HLCS: variants seen among roughly 807,000 people sequenced by gnomAD.
HLCS encodes the protein biotin--protein ligase.
In HLCS, 53 loss-of-function variants were observed where a neutral mutation model predicts 75.0. The observed-to-expected ratio is 0.71, with a 90% CI of 0.57 to 0.89. The LOEUF is 0.89. Ranked by LOEUF, HLCS falls within the 40% of genes least tolerant of loss-of-function variation. The pLI is 0.00. For missense variants in HLCS, 966 were observed against 1,074.0 expected (o/e 0.90, Z 1.41); for synonymous variants, 431 against 428.6 (o/e 1.01, Z -0.07).
chr21:36,962,352 C>A (rs984276931), intron 1 of HLCS, among the ~76,000 whole-genome samples, 182 bp from the exon 2 acceptor site: 2 of 152,190 alleles, frequency 1.3e-5, no homozygotes, highest in Non-Finnish European at 2.9e-5. Context: ...ACTGTTTAAG[C>A]ACCTGCAAAA....
chr21:36,885,025 T>C (rs1232521454), intron 6 of HLCS, among the ~76,000 whole-genome samples: 2 of 152,062 alleles, frequency 1.3e-5, no homozygotes, highest in East Asian at 1.9e-4. Flanking sequence ...AAAGAGAAGG[T>C]TCAATGAAAA....
At chr21:36,974,318 C>G (rs2068878766) in intron 1 of HLCS, 1 of 152,386 alleles carries the variant, frequency 6.6e-6, no homozygotes, top group South Asian at 2.1e-4. Flanking sequence ...GAAGAGCCTC[C>G]AGGAACCTCC....
chr21:36,883,267 A>C (rs2064307423), intron 6 of HLCS, among the ~76,000 whole-genome samples: 1 of 152,262 alleles, frequency 6.6e-6, no homozygotes, highest in African/African-American at 2.4e-5. Context: ...TTTATTTGAA[A>C]GAAAAACAAA....
intron 6 of HLCS, among the ~76,000 whole-genome samples, chr21:36,773,137 G>C (rs898860107): frequency 2.6e-5 from 4 of 152,020 alleles, no homozygotes; most frequent in African/African-American, 9.7e-5. Context: ...TTTTATAATT[G>C]TAGTGCATTC....
intron 5 of HLCS, among the ~76,000 whole-genome samples, chr21:36,915,713 G>T (rs935593304): frequency 6.6e-6 from 1 of 151,180 alleles, no homozygotes; most frequent in African/African-American, 2.5e-5. Flanking sequence ...ACTCCATCTG[G>T]CCAGTTTCCT....
intron 2 of HLCS, among the ~76,000 whole-genome samples, chr21:36,949,431 G>A (rs1789897241): frequency 6.6e-6 from 1 of 151,750 alleles, no homozygotes; most frequent in Non-Finnish European, 1.5e-5. Context: ...GGCAGCTTGA[G>A]CTTCCTCACA....
In HLCS at chr21:36,874,741, T is replaced by C. The variant is rs538121402; in HGVS notation, c.1892+22119A>G. Among the ~76,000 whole-genome samples the C allele has an allele frequency of 1.3e-4, 20 of 152,274 alleles. No homozygotes were observed. The East Asian group carries it at 3.5e-3, about 27-fold the overall frequency. ...CCAGGGCTGCTGCACTCCATGGAGC[T>C]AACACAGGCCAGGAATGGGCGGGAG... On this transcript the variant is annotated intron_variant, in intron 6 of 10. Coordinates refer to ENST00000674895, the MANE Select transcript of HLCS (RefSeq NM_001352514.2).
intron 5 of HLCS, among the ~76,000 whole-genome samples, chr21:36,919,372 G>C (rs2066063551): frequency 6.6e-6 from 1 of 152,210 alleles, no homozygotes; most frequent in South Asian, 2.1e-4. Context: ...TAAGTCATAT[G>C]CCATGGTATT....
intron 2 of HLCS, among the ~76,000 whole-genome samples, chr21:36,961,149 A>C (rs2068268520): frequency 6.6e-6 from 1 of 152,212 alleles, no homozygotes; most frequent in South Asian, 2.1e-4. Context: ...AAGAATACAA[A>C]CACAACTCAT....
chr21:36,925,814 G>A (rs905676326), intron 5 of HLCS, among the ~76,000 whole-genome samples: 2 of 152,226 alleles, frequency 1.3e-5, no homozygotes, highest in Non-Finnish European at 2.9e-5. Context: ...CAGAAACAAG[G>A]CAGCTAGCTT....
chr21:36,965,151 T>G (rs1161807363), intron 1 of HLCS, among the ~76,000 whole-genome samples: 1 of 152,188 alleles, frequency 6.6e-6, no homozygotes, highest in African/African-American at 2.4e-5. Context: ...GTGGCACAAT[T>G]TCAACCCATA....
At chr21:36,925,734 C>T (rs912290030) in intron 5 of HLCS, among the ~76,000 whole-genome samples, 1 of 152,190 alleles carries the variant, frequency 6.6e-6, no homozygotes, top group Non-Finnish European at 1.5e-5. Context: ...CCCTGCAGAG[C>T]GTGGCAGCCT....
At chr21:36,839,032 C>CT (rs35468614) in intron 6 of HLCS, among the ~76,000 whole-genome samples, 45,365 of 152,078 alleles carry the variant, frequency 0.3, 7,094 homozygotes, top group African/African-American at 0.35. Flanking sequence ...ATATATTACT[C>CT]TAATTTTTGG....
In HLCS at chr21:36,798,437, T is replaced by C. The variant is rs193290393; in HGVS notation, c.1893-31152A>G. Among the ~76,000 whole-genome samples the C allele has an allele frequency of 1.4e-4, 21 of 152,340 alleles. No homozygotes were observed. In the East Asian group the frequency reaches 3.3e-3, roughly 24 times the overall value. On this transcript the variant is annotated intron_variant, in intron 6 of 10. Coordinates refer to ENST00000674895, the MANE Select transcript of HLCS (RefSeq NM_001352514.2). The stretch of plus-strand genomic sequence containing the variant: ...TATTTATGTTGTTTCCAGTTTGGGG[T>C]TATTCAAATAAAGCTGCTATGAATA...
chr21:36,872,218 A>C (rs933673596), intron 6 of HLCS, among the ~76,000 whole-genome samples: 2 of 151,966 alleles, frequency 1.3e-5, no homozygotes, highest in African/African-American at 2.4e-5. Flanking sequence ...GTCAGGAGAT[A>C]GAGACCATCC....
intron 6 of HLCS, among the ~76,000 whole-genome samples, chr21:36,863,245 G>A (rs991193361): frequency 1.3e-5 from 2 of 152,090 alleles, no homozygotes; most frequent in Non-Finnish European, 2.9e-5. Flanking sequence ...GATGCACAGA[G>A]ATTTAGAAAT....
intron 6 of HLCS, among the ~76,000 whole-genome samples, chr21:36,817,220 G>C (rs1334517644): frequency 2.0e-5 from 3 of 152,076 alleles, no homozygotes; most frequent in Non-Finnish European, 2.9e-5. Flanking sequence ...TATAAACATC[G>C]GTATTTTTTC....
intron 5 of HLCS, among the ~76,000 whole-genome samples, chr21:36,906,316 C>G (rs1188084518): frequency 6.6e-6 from 1 of 151,994 alleles, no homozygotes; most frequent in African/African-American, 2.4e-5. Context: ...TCACTTGAGC[C>G]CAGGAATTTG....
intron 6 of HLCS, among the ~76,000 whole-genome samples, chr21:36,779,353 C>T (rs1451807747): frequency 6.6e-6 from 1 of 151,850 alleles, no homozygotes; most frequent in African/African-American, 2.4e-5. Flanking sequence ...AGATTCTCAT[C>T]TTCTTTCTCT....
Sources: allele counts gnomAD v4.1 joint callset (sites outside exome capture counted in the v4.1 genomes callset), GRCh38; gene constraint gnomAD v4.1.1; transcripts MANE v1.5; gene names NCBI Gene and HGNC (gene_info 2026-07-23, HGNC 2026-07-21).